STX17: variants seen among roughly 807,000 people sequenced by gnomAD.
The protein encoded by STX17 is syntaxin 17.
Under a neutral mutation model 35.9 loss-of-function variants are expected in STX17, and 29 were observed. The ratio of observed to expected loss-of-function variants is 0.81; its 90% CI spans 0.60 to 1.10. The LOEUF is 1.10. Ranked by LOEUF, STX17 falls within the 50% of genes least tolerant of loss-of-function variation. The pLI is 0.00. For synonymous variants in STX17, 92 were observed against 118.3 expected, an observed-to-expected ratio of 0.78 and a Z score of 1.44; for missense variants, 312 against 352.3, an observed-to-expected ratio of 0.89 and a Z score of 0.92.
intron 2 of STX17, among the ~76,000 whole-genome samples, chr9:99,928,552 T>A (rs1338191601): frequency 6.6e-6 from 1 of 152,102 alleles, no homozygotes; most frequent in Non-Finnish European, 1.5e-5. Flanking sequence ...ATAACCTGCT[T>A]AGTGGGGTTT....
intron 6 of STX17, among the ~76,000 whole-genome samples, chr9:99,965,098 C>T (rs1048445741): frequency 2.0e-5 from 3 of 152,090 alleles, no homozygotes; most frequent in Non-Finnish European, 2.9e-5. Flanking sequence ...TAGATGTGGG[C>T]TACTCCCCAG....
rs1005566348 is a variant in STX17 at position 99,973,146 on chromosome 9, G to T, written c.*4473G>T. Among the ~76,000 whole-genome samples, 2 of 151,672 alleles carry T rather than the reference G, an allele frequency of 1.3e-5. No individual in the cohort carries two copies. The highest frequency in any genetic ancestry group is 2.9e-5 in the Non-Finnish European group (2 of 67,968). ...ACCATCAATGTAAAGGATCCACATG[G>T]TATGTATCCACATTGCTACTCTCAA... On this transcript the variant is annotated 3_prime_UTR_variant, in exon 8 of 8. Transcript: ENST00000259400.
chr9:99,908,612 C>A (rs1564054812), intron 1 of STX17, among the ~76,000 whole-genome samples: 1 of 151,902 alleles, frequency 6.6e-6, no homozygotes, highest in Non-Finnish European at 1.5e-5. Context: ...TGCTTCCATC[C>A]TTTTTTTTCT....
In STX17 at chr9:99,964,242, C is replaced by T. The variant is rs1034461923; in HGVS notation, c.583-3411C>T. 2.6e-5 allele frequency among the ~76,000 whole-genome samples: 4 copies of T among 152,020 alleles called. No homozygotes were observed. In the East Asian group the frequency reaches 5.8e-4, roughly 22 times the overall value. ...GTTCATTGGTTTTGAATTTATATTCCCAAATTGCATTCTGCTTGACAAGTA... is the reference window on the plus strand; with the variant it reads ...GTTCATTGGTTTTGAATTTATATTCTCAAATTGCATTCTGCTTGACAAGTA... On this transcript the variant is annotated intron_variant, in intron 6 of 7. Transcript: ENST00000259400.
intron 2 of STX17, among the ~76,000 whole-genome samples, chr9:99,926,601 C>G (rs376969572): frequency 2.0e-5 from 3 of 152,004 alleles, no homozygotes; most frequent in African/African-American, 7.2e-5. Context: ...AGGTTCCTGC[C>G]ATTCTCCTGC....
intron 3 of STX17, among the ~76,000 whole-genome samples, chr9:99,932,559 T>G (rs1829147648): frequency 6.6e-6 from 1 of 152,220 alleles, no homozygotes; most frequent in Non-Finnish European, 1.5e-5. Context: ...GACTTAGATT[T>G]CTTACAATCT....
At position 99,915,256 on chromosome 9, in the gene STX17, A is replaced by G; in HGVS notation, c.17A>G (p.Glu6Gly). The change falls in exon 2 of 8, where the codon GAA (glutamate) becomes GGA (glycine). Residue 6 changes from glutamate to glycine, a missense_variant. By Grantham distance (98) the Glu-to-Gly change is moderately conservative. Transcript: ENST00000259400. The part of the protein sequence containing the change: MSEDE[E>G]KVKLRRLEPA... Reference sequence around the variant, plus strand: ...TTTTTTAGGATGTCTGAAGATGAAGAAAAAGTGAAATTACGCCGTCTTGAA... The same window carrying G: ...TTTTTTAGGATGTCTGAAGATGAAGGAAAAGTGAAATTACGCCGTCTTGAA... 6.2e-7 allele frequency: 1 copy of G among 1,611,330 alleles called. No homozygotes were observed. The highest frequency in any genetic ancestry group is 8.5e-7 in the Non-Finnish European group (1 of 1,178,690).
In STX17 at chr9:99,974,190, C is replaced by T. The variant is rs941588814; in HGVS notation, c.*5517C>T. On this transcript the variant is annotated 3_prime_UTR_variant, in exon 8 of 8. Transcript: ENST00000259400. ...GTATTCTTCAGGAGCATAAATCCTC[C>T]AGCCTTGAATGGACCATTGTCCAGC... is the stretch of plus-strand genomic sequence containing the variant. 1.3e-5 allele frequency among the ~76,000 whole-genome samples: 2 copies of T among 152,262 alleles called. No individual in the cohort carries two copies. Among genetic ancestry groups the T allele is most frequent in the South Asian group, 4.1e-4 (2 of 4,828 alleles).
rs1482492459 is a variant in STX17, at chr9:99,971,735, T to C, written c.*3062T>C. Among the ~76,000 whole-genome samples, 1 of 152,074 alleles carries C rather than the reference T, an allele frequency of 6.6e-6. No homozygotes were observed. The highest frequency in any genetic ancestry group is 1.5e-5 in the Non-Finnish European group (1 of 68,000). Reference sequence around the variant, plus strand: ...ATACAGCCTCTATACAAAATTGAGATGGGGGTTGGGGGCAGGGGCTCATGC... The same window carrying C: ...ATACAGCCTCTATACAAAATTGAGACGGGGGTTGGGGGCAGGGGCTCATGC... On this transcript the variant is annotated 3_prime_UTR_variant, in exon 8 of 8. Transcript: ENST00000259400.
At chr9:99,939,138 T>C (rs932210164) in intron 3 of STX17, among the ~76,000 whole-genome samples, 1 of 151,856 alleles carries the variant, frequency 6.6e-6, no homozygotes, top group African/African-American at 2.4e-5. Context: ...AGGGGGATGA[T>C]TTAAAAGGGA....
In STX17 at chr9:99,928,770, T is replaced by G. The variant is rs930172130; in HGVS notation, c.124-8T>G. 1.3e-6 allele frequency: 2 copies of G among 1,587,788 alleles called. No individual in the cohort carries two copies. The highest frequency in any genetic ancestry group is 8.6e-7 in the Non-Finnish European group (1 of 1,158,600). ...AAATTTAATACCTCCCTTCTTTCTTTTATATAGTATCAAAGGTGCAGAATC... is the reference window on the plus strand; with the variant it reads ...AAATTTAATACCTCCCTTCTTTCTTGTATATAGTATCAAAGGTGCAGAATC... On this transcript the variant is annotated splice_polypyrimidine_tract_variant and splice_region_variant and intron_variant, in intron 2 of 7. Transcript: ENST00000259400.
At position 99,973,679 on chromosome 9, in the gene STX17, C is replaced by T. The variant is rs946341792; in HGVS notation, c.*5006C>T. ...GTAAAAAGACTATTACCTCACACCC[C>T]GCACTTGATCTTCCCCCAACTTTAA... is the stretch of plus-strand genomic sequence containing the variant. On this transcript the variant is annotated 3_prime_UTR_variant, in exon 8 of 8. Transcript: ENST00000259400. Among the ~76,000 whole-genome samples, 44 of 152,114 alleles carry T rather than the reference C, an allele frequency of 2.9e-4. No individual in the cohort carries two copies. The highest frequency in any genetic ancestry group is 1.0e-3 in the African/African-American group (43 of 41,412).
At chr9:99,935,749 G>T (rs1171843660) in intron 3 of STX17, among the ~76,000 whole-genome samples, 2 of 152,186 alleles carry the variant, frequency 1.3e-5, no homozygotes, top group Non-Finnish European at 2.9e-5. Flanking sequence ...AATAAATGGT[G>T]TTTGTGGAAG....
At position 99,927,777 on chromosome 9, in the gene STX17, G is replaced by A. The variant is rs546463226; in HGVS notation, c.124-1001G>A. On this transcript the variant is annotated intron_variant, in intron 2 of 7. Transcript: ENST00000259400. The stretch of plus-strand genomic sequence containing the variant: ...TGGGCATGAGCCACCGCGCCTGGCC[G>A]GTCTAATTGTTTTAAGCTTAATAGT... Among the ~76,000 whole-genome samples the A allele has an allele frequency of 5.9e-5, 9 of 152,214 alleles. No individual in the cohort carries two copies. The South Asian group carries it at 8.3e-4, about 14-fold the overall frequency.
Position 99,968,642 on chromosome 9 carries a change from T to C in STX17, c.878T>C (p.Leu293Pro). The change falls in exon 8 of 8, where the codon CTT becomes CCT. Residue 293 changes from leucine (L) to proline (P), a missense_variant. Transcript: ENST00000259400. ...MEKLTSSCPD[L>P]PSQTDKKCS ...AAGCTCACTTCCAGCTGTCCAGATCTTCCCAGCCAAACTGACAAGAAATGC... is the reference window on the plus strand; with the variant it reads ...AAGCTCACTTCCAGCTGTCCAGATCCTCCCAGCCAAACTGACAAGAAATGC... 6.2e-7 allele frequency: 1 copy of C among 1,613,770 alleles called. No individual in the cohort carries two copies. The highest frequency in any genetic ancestry group is 8.5e-7 in the Non-Finnish European group (1 of 1,179,850).
At chr9:99,913,017 C>G (rs978857138) in intron 1 of STX17, among the ~76,000 whole-genome samples, 3 of 151,830 alleles carry the variant, frequency 2.0e-5, no homozygotes, top group Non-Finnish European at 4.4e-5. Context: ...GGGAATATAC[C>G]AACTCTCTCA....
At chr9:99,951,775 C>T (rs756738127) in intron 4 of STX17, among the ~76,000 whole-genome samples, 4 of 151,960 alleles carry the variant, frequency 2.6e-5, no homozygotes, top group African/African-American at 7.2e-5. Flanking sequence ...AGAAACAGCC[C>T]TGTGAAATTT....
chr9:99,956,459 C>G (rs968268386), intron 4 of STX17, among the ~76,000 whole-genome samples: 1 of 151,872 alleles, frequency 6.6e-6, no homozygotes, highest in African/African-American at 2.4e-5. Flanking sequence ...CATTATTCAT[C>G]ATAATGTGAA....
At chr9:99,964,983 G>A (rs1829887497) in intron 6 of STX17, among the ~76,000 whole-genome samples, 1 of 152,132 alleles carries the variant, frequency 6.6e-6, no homozygotes, top group Admixed American at 6.6e-5. Flanking sequence ...GCACAATCGA[G>A]GGGTGATTAT....
Sources: gnomAD v4.1 joint callset for allele counts (sites outside exome capture counted in the v4.1 genomes callset) on GRCh38, gnomAD v4.1.1 for gene constraint, MANE v1.5 for transcripts, NCBI Gene and HGNC (gene_info 2026-07-23, HGNC 2026-07-21) for gene names.